The following UBA2 variants were observed in gnomAD, a reference collection of about 807,000 sequenced individuals.
UBA2 encodes the protein ubiquitin like modifier activating enzyme 2, also known as SUMO-activating enzyme subunit 2.
A neutral mutation model predicts 77.2 loss-of-function variants in UBA2; 11 were observed. The observed-to-expected ratio is 0.14, with a 90% CI of 0.09 to 0.24. UBA2 has a LOEUF of 0.24. Ranked by LOEUF, UBA2 falls within the 10% of genes least tolerant of loss-of-function variation. The pLI is 1.00. For missense variants in UBA2, 487 were observed against 781.7 expected (o/e 0.62, Z 4.50); for synonymous variants, 278 against 276.7 (o/e 1.00, Z -0.05).
chr19:34,450,896 C>T (rs1003395389), intron 9 of UBA2, among the ~76,000 whole-genome samples: 8 of 151,700 alleles, frequency 5.3e-5, no homozygotes, highest in Non-Finnish European at 1.0e-4. Context: ...TGAGCCACTG[C>T]GCCTAGCCTA....
chr19:34,454,883 T>A (rs551898757), intron 12 of UBA2, among the ~76,000 whole-genome samples: 1 of 152,348 alleles, frequency 6.6e-6, no homozygotes, highest in South Asian at 2.1e-4. Context: ...ATTTGCTTGG[T>A]CATTTTATAG....
intron 5 of UBA2, among the ~76,000 whole-genome samples, chr19:34,436,164 T>G (rs975176420): frequency 2.0e-5 from 3 of 152,012 alleles, no homozygotes; most frequent in African/African-American, 7.2e-5. Context: ...AGTCTGGGCT[T>G]ATAATGTGGA....
intron 4 of UBA2, among the ~76,000 whole-genome samples, chr19:34,434,305 G>A (rs1319726594): frequency 6.6e-6 from 1 of 152,056 alleles, no homozygotes; most frequent in Non-Finnish European, 1.5e-5. Context: ...TTGTAGGGAT[G>A]AAGTCTTGCT....
intron 4 of UBA2, 105 bp from the exon 5 acceptor site, chr19:34,434,763 T>C (rs2075291279): frequency 1.2e-6 from 1 of 820,348 alleles, no homozygotes; most frequent in South Asian, 1.6e-5. Context: ...AAGAAAATTG[T>C]ACAAAAAATG....
At chr19:34,450,742 C>CTTTTTTTTTTTTTTTTTTTTTTT (rs59580124) in intron 9 of UBA2, among the ~76,000 whole-genome samples, 1 of 83,402 alleles carries the variant, frequency 1.2e-5, no homozygotes, top group Non-Finnish European at 2.1e-5. Context: ...TTATGTATAT[C>CTTTTTTTTTTTTTTTTTTTTTTT]TTTTTTTTTT....
intron 14 of UBA2, among the ~76,000 whole-genome samples, chr19:34,461,623 TGTAC>T (rs2075632023): frequency 6.6e-6 from 1 of 152,256 alleles, no homozygotes; most frequent in Non-Finnish European, 1.5e-5. Flanking sequence ...GTGACCCTTC[TGTAC>T]GGAATACATG....
chr19:34,467,756 C>T (rs542548884), intron 16 of UBA2, among the ~76,000 whole-genome samples: 5 of 152,148 alleles, frequency 3.3e-5, no homozygotes, highest in Admixed American at 6.5e-5. Flanking sequence ...GCGAGGCTTC[C>T]GGCTCCAAAC....
intron 10 of UBA2, among the ~76,000 whole-genome samples, chr19:34,453,381 G>A (rs959999202): frequency 6.6e-6 from 1 of 152,052 alleles, no homozygotes; most frequent in Non-Finnish European, 1.5e-5. Context: ...AATACAAATC[G>A]TAACAGGAAA....
intron 1 of UBA2, 33 bp downstream of exon 1, chr19:34,428,603 G>C (rs780320490): frequency 2.3e-6 from 3 of 1,302,778 alleles, no homozygotes; most frequent in Non-Finnish European, 2.9e-6. Flanking sequence ...TGAATGGCGG[G>C]CTGTGGTGCG....
At chr19:34,462,329 C>T (rs922854364) in intron 14 of UBA2, among the ~76,000 whole-genome samples, 17 of 152,106 alleles carry the variant, frequency 1.1e-4, no homozygotes, top group African/African-American at 3.6e-4. Flanking sequence ...ATGTTAGCAG[C>T]GTTGTTAGGC....
chr19:34,463,971 C>A (rs2075660364), intron 14 of UBA2, 55 bp from the exon 15 acceptor site: 1 of 1,290,180 alleles, frequency 7.8e-7, no homozygotes, highest in Non-Finnish European at 1.1e-6. Context: ...AAAAAATCAA[C>A]CTGACTGCTC....
intron 8 of UBA2, among the ~76,000 whole-genome samples, chr19:34,446,073 ATCTCAAACTCCTGGTTTCAAG>A (rs1248960200): frequency 2.0e-5 from 3 of 151,792 alleles, no homozygotes; most frequent in Non-Finnish European, 2.9e-5. Flanking sequence ...GCCCAGGCAG[ATCTCAAACTCCTGGTTTCAAG>A]TCTCAAACTC....
intron 13 of UBA2, 28 bp downstream of exon 13, chr19:34,458,952 C>T: frequency 6.2e-7 from 1 of 1,600,362 alleles, no homozygotes; most frequent in South Asian, 1.1e-5. Flanking sequence ...GTCTCTTTTC[C>T]TTTTGCTTTT....
chr19:34,429,062 C>T (rs936808108), intron 1 of UBA2: 7 of 985,216 alleles, frequency 7.1e-6, no homozygotes, highest in Non-Finnish European at 8.4e-6. Flanking sequence ...CGCGCACCAT[C>T]TTCATACCAC....
At chr19:34,449,632 T>A (rs1181758649) in intron 8 of UBA2, among the ~76,000 whole-genome samples, 1 of 152,232 alleles carries the variant, frequency 6.6e-6, no homozygotes, top group East Asian at 1.9e-4. Context: ...CTTGAAGTTC[T>A]AACACATCTT....
intron 8 of UBA2, among the ~76,000 whole-genome samples, chr19:34,448,779 G>A (rs2075459765): frequency 6.6e-6 from 1 of 152,186 alleles, no homozygotes; most frequent in African/African-American, 2.4e-5. Flanking sequence ...GTTTATAGAT[G>A]TGGTTAACTA....
rs369635309 is a variant in UBA2 at position 34,441,160 on chromosome 19, A to G, written c.581+2394A>G. Among the ~76,000 whole-genome samples the G allele has an allele frequency of 3.3e-4, 51 of 152,296 alleles. 1 individual carries two copies. In the East Asian group the frequency reaches 8.3e-3, roughly 25 times the overall value. ...TGATGAAAGTTTCTACTAAAACAGA[A>G]TAAAAACTTACTAGGCCGGGCGAGG... On this transcript the variant is annotated intron_variant, in intron 6 of 16. Coordinates refer to ENST00000246548, the MANE Select transcript of UBA2 (RefSeq NM_005499.3).
In UBA2 at chr19:34,471,030, C is replaced by G. The variant is rs893456126; in HGVS notation, c.*1809C>G. Reference sequence around the variant, plus strand: ...CCATCCCCAGCCCAACTCCAGCCTACAGATAGTGCCAGACCGCCAGTAGGT... The same window carrying G: ...CCATCCCCAGCCCAACTCCAGCCTAGAGATAGTGCCAGACCGCCAGTAGGT... On this transcript the variant is annotated 3_prime_UTR_variant, in exon 17 of 17. Transcript: ENST00000246548. 2 of 152,182 alleles carry G rather than the reference C, an allele frequency of 1.3e-5. No homozygotes were observed. Among genetic ancestry groups the G allele is most frequent in the African/African-American group, 4.8e-5 (2 of 41,440 alleles). 9.4% of individuals were successfully genotyped at this position (152,182 alleles called of 1,614,324 possible).
intron 1 of UBA2, chr19:34,430,157 C>T (rs2075235928): frequency 6.5e-6 from 1 of 154,492 alleles, no homozygotes; most frequent in African/African-American, 2.4e-5. Flanking sequence ...GATTCTCTCA[C>T]TTTGTCCTCC....
Sources: allele counts gnomAD v4.1 joint callset (sites outside exome capture counted in the v4.1 genomes callset), GRCh38; gene constraint gnomAD v4.1.1; transcripts MANE v1.5; gene names NCBI Gene and HGNC (gene_info 2026-07-23, HGNC 2026-07-21).